PTPRT: variants seen among roughly 807,000 people sequenced by gnomAD.
PTPRT encodes protein tyrosine phosphatase receptor type T.
Under a neutral mutation model 176.8 loss-of-function variants are expected in PTPRT, and 56 were observed. The observed-to-expected ratio is 0.32, with a 90% CI of 0.26 to 0.40. The LOEUF (loss-of-function observed/expected upper bound fraction) is 0.40. Among genes scored for constraint, PTPRT ranks in the 10% least tolerant of loss-of-function variants. The pLI is 1.00. For synonymous variants in PTPRT, 783 were observed against 739.0 expected (o/e 1.06, Z -0.96); for missense variants, 1,540 against 1,908.2 (o/e 0.81, Z 3.60).
At chr20:43,041,449 C>A (rs574427481) in intron 1 of PTPRT, among the ~76,000 whole-genome samples, 9 of 152,362 alleles carry the variant, frequency 5.9e-5, no homozygotes, top group Admixed American at 3.9e-4. Flanking sequence ...TTAACTCCAT[C>A]TACATCACAG....
chr20:42,980,793 TA>T (rs1983230304), intron 1 of PTPRT, among the ~76,000 whole-genome samples: 1 of 152,236 alleles, frequency 6.6e-6, no homozygotes, highest in Non-Finnish European at 1.5e-5. Flanking sequence ...AGAAAACTTG[TA>T]ACTACAAATT....
At chr20:42,647,459 C>G (rs1294107540) in intron 7 of PTPRT, among the ~76,000 whole-genome samples, 1 of 152,160 alleles carries the variant, frequency 6.6e-6, no homozygotes, top group Non-Finnish European at 1.5e-5. Flanking sequence ...TAATCCATTC[C>G]CACTGCACGT....
chr20:42,274,831 G>A (rs1568730129), intron 13 of PTPRT, among the ~76,000 whole-genome samples: 1 of 152,264 alleles, frequency 6.6e-6, no homozygotes, highest in Non-Finnish European at 1.5e-5. Context: ...GACTTAGCTT[G>A]AATACTCCTG....
At chr20:43,141,555 C>T (rs1224307447) in intron 1 of PTPRT, among the ~76,000 whole-genome samples, 1 of 152,144 alleles carries the variant, frequency 6.6e-6, no homozygotes, top group Non-Finnish European at 1.5e-5. Context: ...TTGCTACTCT[C>T]CCATTGGCCA....
At chr20:42,653,352 G>A (rs773461918) in intron 7 of PTPRT, among the ~76,000 whole-genome samples, 4 of 152,160 alleles carry the variant, frequency 2.6e-5, no homozygotes, top group Non-Finnish European at 4.4e-5. Flanking sequence ...ACCTAGTCTT[G>A]GGTATGTCTT....
chr20:42,526,039 A>G (rs923204625), intron 7 of PTPRT, among the ~76,000 whole-genome samples: 5 of 151,778 alleles, frequency 3.3e-5, no homozygotes, highest in African/African-American at 9.7e-5. Flanking sequence ...TTTGTAGGCC[A>G]TTGATATGTT....
intron 9 of PTPRT, among the ~76,000 whole-genome samples, chr20:42,371,429 T>C (rs557193856): frequency 6.6e-6 from 1 of 152,324 alleles, no homozygotes; most frequent in South Asian, 2.1e-4. Flanking sequence ...ACACTCTACT[T>C]CAAGCCCTCT....
At chr20:42,908,796 C>T (rs1029835995) in intron 1 of PTPRT, among the ~76,000 whole-genome samples, 1 of 152,084 alleles carries the variant, frequency 6.6e-6, no homozygotes, top group Non-Finnish European at 1.5e-5. Flanking sequence ...TCTTTGAATT[C>T]ATGACATTAG....
chr20:43,023,879 C>T (rs1443151115), intron 1 of PTPRT, among the ~76,000 whole-genome samples: 1 of 152,152 alleles, frequency 6.6e-6, no homozygotes, highest in Admixed American at 6.5e-5. Flanking sequence ...CACTGAGGTT[C>T]CCCCGAGACA....
intron 6 of PTPRT, among the ~76,000 whole-genome samples, chr20:42,751,942 C>G (rs1300351856): frequency 1.3e-5 from 2 of 152,214 alleles, no homozygotes; most frequent in Non-Finnish European, 2.9e-5. Context: ...AACTCCCCTT[C>G]ATATATACAT....
intron 9 of PTPRT, among the ~76,000 whole-genome samples, chr20:42,389,161 G>T (rs1317404367): frequency 6.6e-6 from 1 of 151,648 alleles, no homozygotes; most frequent in East Asian, 1.9e-4. Flanking sequence ...AGCATTAGGA[G>T]ATATATCTAA....
intron 6 of PTPRT, among the ~76,000 whole-genome samples, chr20:42,747,099 G>A (rs900279489): frequency 7.9e-5 from 12 of 152,136 alleles, no homozygotes; most frequent in Admixed American, 1.3e-4. Context: ...AAAGCTCACA[G>A]CTCCCATAAG....
chr20:42,377,698 C>T (rs896128944), intron 9 of PTPRT, among the ~76,000 whole-genome samples: 3 of 152,160 alleles, frequency 2.0e-5, no homozygotes, highest in South Asian at 2.1e-4. Context: ...CCTGTGCTTC[C>T]GGTTGTGAGC....
intron 9 of PTPRT, among the ~76,000 whole-genome samples, chr20:42,358,308 G>A (rs990473303): frequency 1.3e-5 from 2 of 151,806 alleles, no homozygotes; most frequent in African/African-American, 4.8e-5. Flanking sequence ...GCTGCTGTGA[G>A]CATCTTTGTG....
chr20:42,792,988 C>T (rs1254847485), intron 2 of PTPRT, among the ~76,000 whole-genome samples: 3 of 152,126 alleles, frequency 2.0e-5, no homozygotes, highest in African/African-American at 7.2e-5. Flanking sequence ...GCATGTTTCC[C>T]CTGAACCACC....
chr20:42,849,405 C>G (rs1204688484), intron 2 of PTPRT, among the ~76,000 whole-genome samples: 1 of 152,206 alleles, frequency 6.6e-6, no homozygotes, highest in East Asian at 1.9e-4. Context: ...ATCAATTAAT[C>G]CAACATTTAC....
intron 11 of PTPRT, among the ~76,000 whole-genome samples, chr20:42,335,639 T>A (rs2032517): frequency 0.26 from 39,582 of 152,022 alleles, 5,379 homozygotes; most frequent in African/African-American, 0.32. Context: ...ATAAACAAAT[T>A]TGAGAATTTT....
chr20:43,173,886 G>A (rs571794830), intron 1 of PTPRT, among the ~76,000 whole-genome samples: 51 of 152,266 alleles, frequency 3.3e-4, no homozygotes, highest in African/African-American at 7.7e-4. Flanking sequence ...TCTAACATTC[G>A]ACATCACATG....
intron 12 of PTPRT, among the ~76,000 whole-genome samples, chr20:42,287,895 G>A (rs1244531326): frequency 6.6e-6 from 1 of 151,768 alleles, no homozygotes; most frequent in Non-Finnish European, 1.5e-5. Context: ...GAAAACTGGG[G>A]TCTATCTACA....
Sources: gnomAD v4.1 joint callset for allele counts (sites outside exome capture counted in the v4.1 genomes callset) on GRCh38, gnomAD v4.1.1 for gene constraint, MANE v1.5 for transcripts, NCBI Gene and HGNC (gene_info 2026-07-23, HGNC 2026-07-21) for gene names.